Variants in RABGAP1L observed in about 807,000 individuals in gnomAD.
The protein encoded by RABGAP1L is RAB GTPase activating protein 1 like.
In RABGAP1L, 63 loss-of-function variants were observed where a neutral mutation model predicts 137.7. That is an observed-to-expected ratio of 0.46 (90% confidence interval 0.37 to 0.56). The LOEUF is 0.56. Among genes scored for constraint, RABGAP1L ranks in the 20% least tolerant of loss-of-function variants. RABGAP1L has a pLI of 0.00. For synonymous variants in RABGAP1L, 431 were observed against 433.7 expected (o/e 0.99, Z 0.08); for missense variants, 1,095 against 1,244.0 (o/e 0.88, Z 1.80).
At chr1:174,863,482 G>C (rs1202599917) in intron 19 of RABGAP1L, among the ~76,000 whole-genome samples, 1 of 151,142 alleles carries the variant, frequency 6.6e-6, no homozygotes, top group African/African-American at 2.4e-5. Context: ...GACCATCCTG[G>C]CTAACATGGT....
At chr1:174,412,726 G>A (rs1650083626) in intron 13 of RABGAP1L, among the ~76,000 whole-genome samples, 2 of 152,082 alleles carry the variant, frequency 1.3e-5, no homozygotes, top group Admixed American at 1.3e-4. Context: ...ATGAAGCTTA[G>A]TTTGGCAGAA....
At chr1:174,960,912 TATATA>T (rs1304280440) in intron 20 of RABGAP1L, among the ~76,000 whole-genome samples, 3 of 152,214 alleles carry the variant, frequency 2.0e-5, no homozygotes, top group African/African-American at 2.4e-5. Context: ...CATATAAACA[TATATA>T]AGTAGGTAAT....
At chr1:174,612,620 C>T (rs1318901158) in intron 13 of RABGAP1L, among the ~76,000 whole-genome samples, 1 of 152,042 alleles carries the variant, frequency 6.6e-6, no homozygotes, top group Non-Finnish European at 1.5e-5. Flanking sequence ...GGAATAGTTT[C>T]AGAAGGAATG....
At chr1:174,300,431 A>G (rs1430642518) in intron 10 of RABGAP1L, among the ~76,000 whole-genome samples, 2 of 150,942 alleles carry the variant, frequency 1.3e-5, no homozygotes, top group Non-Finnish European at 2.9e-5. Flanking sequence ...AGGCTGAGGC[A>G]GGAGAATCCC....
At chr1:174,224,373 G>C (rs971187248) in intron 3 of RABGAP1L, among the ~76,000 whole-genome samples, 1 of 152,052 alleles carries the variant, frequency 6.6e-6, no homozygotes, top group Non-Finnish European at 1.5e-5. Flanking sequence ...TGAGAATCTG[G>C]GCAGGAGAAT....
intron 19 of RABGAP1L, among the ~76,000 whole-genome samples, chr1:174,930,586 G>A (rs1663629101): frequency 6.6e-6 from 1 of 152,064 alleles, no homozygotes; most frequent in South Asian, 2.1e-4. Flanking sequence ...CAAAGTGCTG[G>A]GATTATAGGC....
chr1:174,693,970 G>A (rs191537798), intron 15 of RABGAP1L, among the ~76,000 whole-genome samples: 4 of 152,182 alleles, frequency 2.6e-5, no homozygotes, highest in South Asian at 2.1e-4. Flanking sequence ...TCAACCAATC[G>A]TGGATGAAAA....
At chr1:174,914,323 G>A (rs528573375) in intron 19 of RABGAP1L, among the ~76,000 whole-genome samples, 3 of 152,132 alleles carry the variant, frequency 2.0e-5, no homozygotes, top group Non-Finnish European at 2.9e-5. Context: ...CATCCCTTCC[G>A]TTTTAGGGGC....
At chr1:174,965,533 GAGA>G (rs1417693939) in intron 20 of RABGAP1L, among the ~76,000 whole-genome samples, 2 of 152,184 alleles carry the variant, frequency 1.3e-5, no homozygotes. Context: ...TTGGCTCCTT[GAGA>G]AGAACTGTAA....
At chr1:174,480,074 G>A (rs1658928258) in intron 13 of RABGAP1L, among the ~76,000 whole-genome samples, 1 of 152,052 alleles carries the variant, frequency 6.6e-6, no homozygotes, top group African/African-American at 2.4e-5. Context: ...AATTCTAAAA[G>A]TATGTCACTC....
intron 14 of RABGAP1L, among the ~76,000 whole-genome samples, chr1:174,673,672 C>G (rs553981934): frequency 3.9e-5 from 6 of 152,120 alleles, no homozygotes; most frequent in African/African-American, 1.4e-4. Context: ...ACCAGAGATA[C>G]ATGGTTATAC....
In RABGAP1L at chr1:174,537,506, TGG is replaced by T. The variant is rs554137454; in HGVS notation, c.1711-99868_1711-99867del. 1.2e-3 allele frequency among the ~76,000 whole-genome samples: 176 copies of T among 152,286 alleles called. 1 individual carries two copies. Among genetic ancestry groups the T allele is most frequent in the African/African-American group, 4.1e-3 (172 of 41,554 alleles). Reference sequence around the variant, plus strand: ...TAAAAGGTCTTGGGAATATCAAGTCTGGTCTGTATTTTCCCATCCTCTACAGG... The same window carrying T: ...TAAAAGGTCTTGGGAATATCAAGTCTTCTGTATTTTCCCATCCTCTACAGG... On this transcript the variant is annotated intron_variant, in intron 13 of 25. Coordinates refer to ENST00000681986, the MANE Select transcript of RABGAP1L (RefSeq NM_001366446.1).
chr1:174,490,349 G>A (rs968241616), intron 13 of RABGAP1L, among the ~76,000 whole-genome samples: 4 of 152,160 alleles, frequency 2.6e-5, no homozygotes, highest in Non-Finnish European at 5.9e-5. Context: ...TGCCGCCTTC[G>A]TGGTCTTAGA....
intron 13 of RABGAP1L, among the ~76,000 whole-genome samples, chr1:174,473,945 T>C (rs955757950): frequency 3.3e-5 from 5 of 152,216 alleles, no homozygotes; most frequent in African/African-American, 1.2e-4. Context: ...CAAACCCTTT[T>C]CTAGAACTTC....
At chr1:174,247,020 G>T (rs1424480949) in intron 5 of RABGAP1L, among the ~76,000 whole-genome samples, 1 of 152,156 alleles carries the variant, frequency 6.6e-6, no homozygotes, top group Non-Finnish European at 1.5e-5. Context: ...GAGATAGATG[G>T]AATCTTATTT....
intron 13 of RABGAP1L, among the ~76,000 whole-genome samples, chr1:174,570,678 A>G (rs986212793): frequency 6.6e-6 from 1 of 152,138 alleles, no homozygotes; most frequent in African/African-American, 2.4e-5. Flanking sequence ...ATAAAAGTTG[A>G]AATTATAAAA....
At chr1:174,384,443 A>C (rs969822658) in intron 12 of RABGAP1L, among the ~76,000 whole-genome samples, 9 of 152,176 alleles carry the variant, frequency 5.9e-5, no homozygotes, top group African/African-American at 2.2e-4. Flanking sequence ...TAAATGACAA[A>C]AAAGAAAAAA....
intron 19 of RABGAP1L, among the ~76,000 whole-genome samples, chr1:174,925,304 C>G (rs1265209470): frequency 7.1e-6 from 1 of 140,828 alleles, no homozygotes; most frequent in East Asian, 2.1e-4. Flanking sequence ...GCCGAGATCA[C>G]GCCACTGCAC....
At chr1:174,845,054 G>A (rs1361505572) in intron 19 of RABGAP1L, among the ~76,000 whole-genome samples, 3 of 148,868 alleles carry the variant, frequency 2.0e-5, no homozygotes, top group African/African-American at 7.4e-5. Context: ...AAGAATGCTT[G>A]TGATTTTTGT....
Sources: gnomAD v4.1 joint callset for allele counts (sites outside exome capture counted in the v4.1 genomes callset) on GRCh38, gnomAD v4.1.1 for gene constraint, MANE v1.5 for transcripts, NCBI Gene and HGNC (gene_info 2026-07-23, HGNC 2026-07-21) for gene names.